COG5: variants seen among roughly 807,000 people sequenced by gnomAD.
COG5 encodes conserved oligomeric Golgi complex subunit 5.
In COG5, 86 loss-of-function variants were observed where a neutral mutation model predicts 110.4. That is an observed-to-expected ratio of 0.78 (90% CI 0.65 to 0.93). COG5 has a LOEUF of 0.93. Among genes scored for constraint, COG5 ranks in the 40% least tolerant of loss-of-function variants. The probability of loss-of-function intolerance (pLI) is 0.00; values close to 1 mark genes in which losing one functional copy is unlikely to be tolerated. For missense variants in COG5, 1,077 were observed against 987.0 expected (o/e 1.09, Z -1.22); for synonymous variants, 360 against 334.6 (o/e 1.08, Z -0.83).
At position 107,361,848 on chromosome 7, in the gene COG5, C is replaced by T. The variant is rs140161908; in HGVS notation, c.1026+185G>A. Among the ~76,000 whole-genome samples the T allele has an allele frequency of 1.6e-3, 239 of 152,336 alleles. 1 individual carries two copies. Among genetic ancestry groups the T allele is most frequent in the African/African-American group, 5.4e-3 (225 of 41,580 alleles). ...GTGCTGGGATTACAGGCGTGACCCA[C>T]CACGCCCAGCCCCATGATTACATTT... On this transcript the variant is annotated intron_variant, in intron 10 of 21. Transcript: ENST00000297135.
At chr7:107,234,058 C>T (rs896726050) in intron 18 of COG5, among the ~76,000 whole-genome samples, 2 of 152,206 alleles carry the variant, frequency 1.3e-5, no homozygotes, top group Non-Finnish European at 2.9e-5. Flanking sequence ...CTCCGCCTGT[C>T]TTTTCTGTAC....
At chr7:107,250,547 C>A (rs770283114) in intron 16 of COG5, among the ~76,000 whole-genome samples, 24 of 151,936 alleles carry the variant, frequency 1.6e-4, no homozygotes, top group Non-Finnish European at 1.2e-4. Context: ...TTTATCAATT[C>A]TCAGGGGAAA....
intron 5 of COG5, among the ~76,000 whole-genome samples, chr7:107,541,311 G>A (rs1362009484): frequency 6.6e-6 from 1 of 150,538 alleles, no homozygotes; most frequent in East Asian, 2.0e-4. Flanking sequence ...AACCTGAGCA[G>A]CAGGACAGAA....
chr7:107,400,834 A>G (rs1435192227), intron 7 of COG5, among the ~76,000 whole-genome samples: 1 of 152,228 alleles, frequency 6.6e-6, no homozygotes, highest in African/African-American at 2.4e-5. Flanking sequence ...ACATGACTGC[A>G]TATAGAAACT....
rs113762613 is a variant in COG5, at chr7:107,272,245, A to G, written c.1575+9055T>C. On this transcript the variant is annotated intron_variant, in intron 14 of 21. Coordinates refer to ENST00000297135, the MANE Select transcript of COG5 (RefSeq NM_006348.5). Reference sequence around the variant, plus strand: ...CCCCTCTGCTCACTGAGATAAATGTATATCTGATTGTCTCCTTTGGAGAGG... The same window carrying G: ...CCCCTCTGCTCACTGAGATAAATGTGTATCTGATTGTCTCCTTTGGAGAGG... Among the ~76,000 whole-genome samples the G allele has an allele frequency of 3.2e-3, 495 of 152,326 alleles. 3 individuals carry two copies. The highest frequency in any genetic ancestry group is 0.011 in the African/African-American group (461 of 41,572).
At chr7:107,560,145 A>C (rs185706522) in intron 1 of COG5, among the ~76,000 whole-genome samples, 36 of 152,352 alleles carry the variant, frequency 2.4e-4, no homozygotes, top group African/African-American at 8.4e-4. Flanking sequence ...TCTGTGAGCC[A>C]GTTGACCTTT....
chr7:107,397,353 A>T (rs1206064651), intron 7 of COG5, among the ~76,000 whole-genome samples: 2 of 152,218 alleles, frequency 1.3e-5, no homozygotes, highest in Non-Finnish European at 1.5e-5. Flanking sequence ...TGGAATGGAA[A>T]AAAGAAAGGC....
At chr7:107,363,793 T>G (rs1334864938) in intron 8 of COG5, among the ~76,000 whole-genome samples, 2 of 151,870 alleles carry the variant, frequency 1.3e-5, no homozygotes, top group African/African-American at 2.4e-5. Context: ...CCATCTCTGC[T>G]AAAAATACAG....
chr7:107,276,428 C>T (rs1416505780), intron 14 of COG5, among the ~76,000 whole-genome samples: 1 of 152,134 alleles, frequency 6.6e-6, no homozygotes, highest in Non-Finnish European at 1.5e-5. Flanking sequence ...CCCAGTACTT[C>T]AGAAGGCCAA....
At chr7:107,396,625 C>T (rs551714835) in intron 7 of COG5, among the ~76,000 whole-genome samples, 1 of 151,518 alleles carries the variant, frequency 6.6e-6, no homozygotes, top group African/African-American at 2.4e-5. Context: ...AAGTGATACA[C>T]CGAGTGCCTA....
intron 11 of COG5, among the ~76,000 whole-genome samples, chr7:107,300,191 A>C (rs1185120472): frequency 3.3e-5 from 5 of 152,128 alleles, no homozygotes; most frequent in African/African-American, 1.2e-4. Context: ...CCCTTAACCT[A>C]ATAAAAGGCA....
chr7:107,210,659 G>A (rs1799098999), intron 20 of COG5, 54 bp from the exon 21 acceptor site: 1 of 1,533,318 alleles, frequency 6.5e-7, no homozygotes, highest in African/African-American at 1.4e-5. Context: ...TTAGTAAATG[G>A]CAGCAAGTGC....
intron 11 of COG5, among the ~76,000 whole-genome samples, chr7:107,300,409 G>C (rs1430229661): frequency 6.6e-6 from 1 of 152,020 alleles, no homozygotes; most frequent in East Asian, 1.9e-4. Context: ...TAATATACAA[G>C]CATCTATATG....
At chr7:107,206,029 T>C (rs964627236) in intron 21 of COG5, among the ~76,000 whole-genome samples, 9 of 151,974 alleles carry the variant, frequency 5.9e-5, no homozygotes, top group South Asian at 2.1e-4. Context: ...GCCGCAATCT[T>C]GGCTCACTGC....
intron 11 of COG5, among the ~76,000 whole-genome samples, chr7:107,310,191 T>TA (rs1394682005): frequency 1.3e-5 from 2 of 152,188 alleles, no homozygotes; most frequent in Admixed American, 1.3e-4. Context: ...TGATACCAGT[T>TA]AGACTTGGGA....
At chr7:107,355,982 G>GTA (rs1011942139) in intron 10 of COG5, among the ~76,000 whole-genome samples, 2 of 152,124 alleles carry the variant, frequency 1.3e-5, no homozygotes, top group Non-Finnish European at 2.9e-5. Flanking sequence ...TCTTAGCACG[G>GTA]TATAGTCCCA....
intron 6 of COG5, among the ~76,000 whole-genome samples, chr7:107,419,568 ATTTT>A (rs879883219): frequency 7.0e-6 from 1 of 143,674 alleles, no homozygotes; most frequent in African/African-American, 2.5e-5. Context: ...GAATTTATAG[ATTTT>A]TTTTTTTTTT....
rs754721164 is a variant in COG5, at chr7:107,558,008, T to G, written c.202A>C (p.Ile68Leu). 4 of 1,613,720 alleles carry G rather than the reference T, an allele frequency of 2.5e-6. No individual in the cohort carries two copies. Among genetic ancestry groups the G allele is most frequent in the Non-Finnish European group, 3.4e-6 (4 of 1,179,882 alleles). The change falls in exon 2 of 22, where the codon ATC becomes CTC. Residue 68 changes from isoleucine (I) to leucine (L), a missense_variant. Transcript: ENST00000297135. ...AEQLAKLAQG[I>L]SQLDRELHLQ... ...TGTAGTTCTCTGTCCAACTGACTGA[T>G]TCCTTGGGCAAGTTTTGCTAGTTGT...
intron 6 of COG5, among the ~76,000 whole-genome samples, chr7:107,498,029 G>A (rs1223036794): frequency 6.6e-6 from 1 of 152,092 alleles, no homozygotes; most frequent in Non-Finnish European, 1.5e-5. Flanking sequence ...GAATACACAA[G>A]GAGGTAATGA....
Sources: gnomAD v4.1 joint callset for allele counts (sites outside exome capture counted in the v4.1 genomes callset) on GRCh38, gnomAD v4.1.1 for gene constraint, MANE v1.5 for transcripts, NCBI Gene and HGNC (gene_info 2026-07-23, HGNC 2026-07-21) for gene names.